C8orf34: variants seen among roughly 807,000 people sequenced by gnomAD.
C8orf34 encodes chromosome 8 open reading frame 34.
A neutral mutation model predicts 68.3 loss-of-function variants in C8orf34; 65 were observed. The observed-to-expected ratio is 0.95, with a 90% CI of 0.78 to 1.17. The LOEUF is 1.17. C8orf34 is among the 50% of genes most tolerant of loss of function. The pLI is 0.00. For missense variants in C8orf34, 664 were observed against 655.4 expected, an observed-to-expected ratio of 1.01 and a Z score of -0.14; for synonymous variants, 244 against 241.2, an observed-to-expected ratio of 1.01 and a Z score of -0.11.
At chr8:68,766,397 G>T (rs10957446) in intron 10 of C8orf34, among the ~76,000 whole-genome samples, 43,530 of 151,932 alleles carry the variant, frequency 0.29, 6,730 homozygotes, top group African/African-American at 0.39. Flanking sequence ...AATTTATACA[G>T]GTACTTTACA....
At chr8:68,611,325 T>G (rs911186333) in intron 7 of C8orf34, among the ~76,000 whole-genome samples, 2 of 152,174 alleles carry the variant, frequency 1.3e-5, no homozygotes, top group African/African-American at 4.8e-5. Flanking sequence ...CTGCTATATT[T>G]GTTCTCCTTG....
chr8:68,421,510 A>G (rs993733449), intron 1 of C8orf34, among the ~76,000 whole-genome samples: 1 of 152,214 alleles, frequency 6.6e-6, no homozygotes, highest in African/African-American at 2.4e-5. Context: ...TCCAGAGAAC[A>G]TGTAAGCCAT....
At chr8:68,494,058 A>G (rs1813421346) in intron 5 of C8orf34, among the ~76,000 whole-genome samples, 2 of 152,228 alleles carry the variant, frequency 1.3e-5, no homozygotes, top group African/African-American at 2.4e-5. Context: ...ATAGGAAATA[A>G]TTGGACACCC....
intron 8 of C8orf34, among the ~76,000 whole-genome samples, chr8:68,652,171 C>T (rs907315631): frequency 6.6e-6 from 1 of 152,198 alleles, no homozygotes; most frequent in African/African-American, 2.4e-5. Context: ...TACTCCATGC[C>T]TATTCCTTAT....
Position 68,709,076 on chromosome 8 carries a change from T to C in C8orf34, c.1324T>C (p.Phe442Leu). ...TCCAGATGAAAAAATCCCAGATTCA[T>C]TCGGTAAGTTTTAAGTCCAACAATA... is the stretch of plus-strand genomic sequence containing the variant. Reference protein sequence around the residue: ...HSPDEKIPDSFDSLPGTEEAL... With the variant: ...HSPDEKIPDSLDSLPGTEEAL... Residue 442 changes from phenylalanine (F) to leucine (L), a missense_variant, in exon 9 of 14, where the codon TTC becomes CTC. Coordinates refer to ENST00000518698, the MANE Select transcript of C8orf34 (RefSeq NM_052958.4). The C allele has an allele frequency of 6.2e-7, 1 of 1,609,060 alleles. No homozygotes were observed. The highest frequency in any genetic ancestry group is 8.5e-7 in the Non-Finnish European group (1 of 1,176,320).
At chr8:68,341,077 T>C (rs1806050068) in intron 1 of C8orf34, among the ~76,000 whole-genome samples, 2 of 152,238 alleles carry the variant, frequency 1.3e-5, no homozygotes, top group African/African-American at 4.8e-5. Context: ...AGATGACTTA[T>C]AAACCATAGA....
chr8:68,805,545 A>G (rs1824457093), intron 12 of C8orf34, among the ~76,000 whole-genome samples: 1 of 152,198 alleles, frequency 6.6e-6, no homozygotes, highest in Admixed American at 6.5e-5. Context: ...TTAAAAGTGT[A>G]TCTTCCTGGT....
intron 1 of C8orf34, among the ~76,000 whole-genome samples, chr8:68,339,495 A>C (rs1805985019): frequency 6.6e-6 from 1 of 151,958 alleles, no homozygotes; most frequent in Non-Finnish European, 1.5e-5. Context: ...CTCTTAAAAA[A>C]AAGTTAAAGA....
chr8:68,542,837 T>C (rs184462461), intron 7 of C8orf34, among the ~76,000 whole-genome samples: 46 of 152,324 alleles, frequency 3.0e-4, no homozygotes, highest in African/African-American at 1.1e-3. Flanking sequence ...TATTTGCTCA[T>C]GGAGCTATTT....
At chr8:68,524,096 T>G (rs1814874765) in intron 6 of C8orf34, among the ~76,000 whole-genome samples, 1 of 152,208 alleles carries the variant, frequency 6.6e-6, no homozygotes, top group Non-Finnish European at 1.5e-5. Flanking sequence ...CCTATCTCAA[T>G]TTTTCTCTAT....
chr8:68,400,733 C>T (rs1181012168), intron 1 of C8orf34, among the ~76,000 whole-genome samples: 2 of 151,996 alleles, frequency 1.3e-5, no homozygotes, highest in Non-Finnish European at 2.9e-5. Flanking sequence ...GCTTATGTGT[C>T]TATTTTTGTG....
At chr8:68,346,683 T>C (rs1160643772) in intron 1 of C8orf34, among the ~76,000 whole-genome samples, 1 of 152,170 alleles carries the variant, frequency 6.6e-6, no homozygotes, top group Non-Finnish European at 1.5e-5. Flanking sequence ...TGTTACATAG[T>C]TGGAATCATA....
chr8:68,518,349 A>T (rs1236506383), intron 5 of C8orf34, among the ~76,000 whole-genome samples: 1 of 152,176 alleles, frequency 6.6e-6, no homozygotes, highest in Non-Finnish European at 1.5e-5. Context: ...ATATATATAT[A>T]AATTTGTATA....
At chr8:68,624,910 CT>C (rs5892154) in intron 7 of C8orf34, among the ~76,000 whole-genome samples, 110 of 143,670 alleles carry the variant, frequency 7.7e-4, no homozygotes, top group Non-Finnish European at 8.3e-4. Context: ...TAATTTCTTG[CT>C]TTTTTTTTTT....
At position 68,422,683 on chromosome 8, in the gene C8orf34, A is replaced by G. The variant is rs150854872; in HGVS notation, c.328-16816A>G. The stretch of plus-strand genomic sequence containing the variant: ...CACAGCTCCACTAGGCAGTGCCCCA[A>G]TGGGGACTTTGCATGGAGGCTCCGA... On this transcript the variant is annotated intron_variant, in intron 1 of 13. Coordinates refer to ENST00000518698, the MANE Select transcript of C8orf34 (RefSeq NM_052958.4). Among the ~76,000 whole-genome samples the G allele has an allele frequency of 5.9e-3, 900 of 152,290 alleles. 7 individuals carry two copies. Among genetic ancestry groups the G allele is most frequent in the African/African-American group, 0.021 (870 of 41,580 alleles).
intron 7 of C8orf34, among the ~76,000 whole-genome samples, chr8:68,618,750 T>G (rs1818303225): frequency 6.6e-6 from 1 of 152,174 alleles, no homozygotes; most frequent in South Asian, 2.1e-4. Flanking sequence ...GCTTAAAAGC[T>G]TTTTCTCAAA....
intron 5 of C8orf34, among the ~76,000 whole-genome samples, chr8:68,494,326 C>T (rs559770484): frequency 2.6e-5 from 4 of 152,042 alleles, no homozygotes; most frequent in East Asian, 3.9e-4. Context: ...TAGAGTAATC[C>T]GATTTACAGA....
chr8:68,575,956 G>GTTTTTTTTTTTTT (rs59081528), intron 7 of C8orf34, among the ~76,000 whole-genome samples: 1 of 96,348 alleles, frequency 1.0e-5, no homozygotes, highest in Non-Finnish European at 2.1e-5. Context: ...GTAGATGGTT[G>GTTTTTTTTTTTTT]TTTTTTTTTT....
chr8:68,815,412 G>A (rs1824780703), intron 12 of C8orf34, among the ~76,000 whole-genome samples: 1 of 152,020 alleles, frequency 6.6e-6, no homozygotes, highest in Admixed American at 6.6e-5. Flanking sequence ...ACTACCTCAT[G>A]AAATCATATT....
Sources: gnomAD v4.1 joint callset for allele counts (sites outside exome capture counted in the v4.1 genomes callset) on GRCh38, gnomAD v4.1.1 for gene constraint, MANE v1.5 for transcripts, NCBI Gene and HGNC (gene_info 2026-07-23, HGNC 2026-07-21) for gene names.